The following MAN1B1 variants were observed in gnomAD, a reference collection of about 807,000 sequenced individuals.
MAN1B1 encodes endoplasmic reticulum mannosyl-oligosaccharide 1,2-alpha-mannosidase.
MAN1B1 carries 66 observed loss-of-function variants against 75.5 expected under a neutral mutation model. The observed-to-expected ratio is 0.87, with a 90% confidence interval of 0.72 to 1.07. MAN1B1 has a LOEUF of 1.07. Among genes scored for constraint, MAN1B1 ranks in the 50% least tolerant of loss-of-function variants. MAN1B1 has a pLI of 0.00. For synonymous variants in MAN1B1, 453 were observed against 382.8 expected, an observed-to-expected ratio of 1.18 and a Z score of -2.14; for missense variants, 973 against 912.5, an observed-to-expected ratio of 1.07 and a Z score of -0.85.
intron 3 of MAN1B1, among the ~76,000 whole-genome samples, chr9:137,095,724 G>C (rs1054627096): frequency 1.3e-5 from 2 of 152,184 alleles, no homozygotes; most frequent in African/African-American, 2.4e-5. Context: ...AGCAGAGGAC[G>C]GGGCTCTGTG....
chr9:137,093,581 A>G (rs969239268), intron 3 of MAN1B1, among the ~76,000 whole-genome samples: 1 of 152,206 alleles, frequency 6.6e-6, no homozygotes, highest in African/African-American at 2.4e-5. Flanking sequence ...CTGTAATCCC[A>G]ACACTTTGGG....
chr9:137,107,336 G>A lies in MAN1B1; in HGVS notation c.1653G>A (p.Glu551=). The A allele has an allele frequency of 6.2e-7, 1 of 1,613,324 alleles. No individual in the cohort carries two copies. The change falls in exon 11 of 13, where the codon GAG becomes GAA. Residue 551 remains glutamate, a synonymous_variant. Transcript: ENST00000371589. The part of the protein sequence containing the change: ...LPASHMELAQ[E]LMETCYQMNR... ...CCAGCCACATGGAGCTGGCCCAGGA[G>A]CTCATGGAGACTTGTTACCAGATGA...
intron 2 of MAN1B1, chr9:137,088,497 G>T: frequency 7.5e-7 from 1 of 1,329,886 alleles, no homozygotes; most frequent in Non-Finnish European, 1.0e-6. Context: ...GCACTCATTA[G>T]CGTGTGTTTG....
chr9:137,108,884 A>G lies in MAN1B1; in HGVS notation c.*293A>G, dbSNP rs1831217249. On this transcript the variant is annotated 3_prime_UTR_variant, in exon 13 of 13. Coordinates refer to ENST00000371589, the MANE Select transcript of MAN1B1 (RefSeq NM_016219.5). ...AGCCTGAGCAGGTCTCTGTGGGCCG[A>G]CCAGAGGGGGGCTTCGAGGTGGTCC... 3.5e-6 allele frequency: 2 copies of G among 573,680 alleles called. No individual in the cohort carries two copies. Among genetic ancestry groups the G allele is most frequent in the Non-Finnish European group, 6.6e-6 (2 of 303,584 alleles). The allele number at this position is 573,680 out of a possible 1,614,324, so 35.5% of individuals were successfully genotyped here. A position where few individuals can be genotyped will look rare whatever the true frequency, so the allele number is the denominator to read the frequency against.
At chr9:137,103,193 CTG>C (rs369265025) in intron 8 of MAN1B1, 8,233 of 408,304 alleles carry the variant, frequency 0.02, 622 homozygotes, top group African/African-American at 0.18. Context: ...CACATTCACA[CTG>C]TTGCAGGCGT....
chr9:137,098,026 C>T lies in MAN1B1; in HGVS notation c.730+89C>T, dbSNP rs572804215. ...GCTTCGTCTCAGCCATGGTGGGTGG[C>T]GCCCCCGCCCTGGTGTGCACCTTGC... On this transcript the variant is annotated intron_variant, in intron 5 of 12. Transcript: ENST00000371589. 638 of 1,004,190 alleles carry T rather than the reference C, an allele frequency of 6.4e-4. 2 individuals carry two copies. The African/African-American group carries it at 9.5e-3, about 15-fold the overall frequency. 62.2% of individuals were successfully genotyped at this position (1,004,190 alleles called of 1,614,324 possible).
chr9:137,107,832 T>G, intron 12 of MAN1B1, 170 bp downstream of exon 12: 1 of 828,300 alleles, frequency 1.2e-6, no homozygotes, highest in Non-Finnish European at 2.0e-6. Flanking sequence ...GGCCCTGGCA[T>G]CCCCATCCCC....
In MAN1B1 at chr9:137,101,782, TTACTGTGA is replaced by T. The variant is rs1830821036; in HGVS notation, c.1254+113_1254+120del. The T allele has an allele frequency of 8.4e-6, 11 of 1,315,498 alleles. No homozygotes were observed. In the African/African-American group the frequency reaches 1.2e-4, roughly 14 times the overall value. The allele number at this position is 1,315,498 out of a possible 1,614,324, so 81.5% of individuals were successfully genotyped here. Reference sequence around the variant, plus strand: ...ATGTGCATGTGTGTTTTCAGGTTTTTTACTGTGATAAAACACACAAAACGCACCACCTT... The same window carrying T: ...ATGTGCATGTGTGTTTTCAGGTTTTTTAAAACACACAAAACGCACCACCTT... On this transcript the variant is annotated intron_variant, in intron 8 of 12. Transcript: ENST00000371589.
intron 8 of MAN1B1, chr9:137,105,690 G>A (rs1381377893): frequency 2.0e-5 from 7 of 344,992 alleles, no homozygotes; most frequent in Non-Finnish European, 3.9e-5. Flanking sequence ...AGCTCACCAG[G>A]AGGGCGTGGA....
rs1396229946 is a variant in MAN1B1, at chr9:137,101,043, C to T, written c.955C>T (p.His319Tyr). 1.9e-6 allele frequency: 3 copies of T among 1,614,076 alleles called. No homozygotes were observed. The African/African-American group carries it at 4.0e-5, about 22-fold the overall frequency. ...CAGGAAGTGGGTGTCGAAGAAGTTA[C>T]ACTTTGAAAAGGACGTGGACGTCAA... Reference protein sequence around the residue: ...EARKWVSKKLHFEKDVDVNLF... With the variant: ...EARKWVSKKLYFEKDVDVNLF... The change falls in exon 7 of 13, where the codon CAC becomes TAC. Residue 319 changes from histidine (H) to tyrosine (Y), a missense_variant. Coordinates refer to ENST00000371589, the MANE Select transcript of MAN1B1 (RefSeq NM_016219.5).
chr9:137,109,099 GGGCTGGAC>G lies in MAN1B1; in HGVS notation c.*512_*519del. 2.2e-6 allele frequency: 1 copy of G among 455,466 alleles called. No individual in the cohort carries two copies. The highest frequency in any genetic ancestry group is 4.4e-6 in the Non-Finnish European group (1 of 227,256). 28.2% of individuals were successfully genotyped at this position (455,466 alleles called of 1,614,324 possible). A position where few individuals can be genotyped will look rare whatever the true frequency, so the allele number is the denominator to read the frequency against. On this transcript the variant is annotated 3_prime_UTR_variant, in exon 13 of 13. Coordinates refer to ENST00000371589, the MANE Select transcript of MAN1B1 (RefSeq NM_016219.5). ...CTGGCCGCCCCGCAGGGGGCTTGGA[GGGCTGGAC>G]GGCAAGTCCGTCTAGCTCACGGGCC...
intron 1 of MAN1B1, 107 bp from the exon 2 acceptor site, chr9:137,087,968 C>T: frequency 1.1e-6 from 1 of 922,112 alleles, no homozygotes; most frequent in Non-Finnish European, 1.8e-6. Context: ...TAGAGCTGAA[C>T]ACTGGATCTT....
chr9:137,098,507 C>G (rs910626695), intron 5 of MAN1B1, among the ~76,000 whole-genome samples: 2 of 152,184 alleles, frequency 1.3e-5, no homozygotes, highest in Admixed American at 1.3e-4. Flanking sequence ...CATCATGCCC[C>G]CCAGGTGTCT....
At chr9:137,103,118 G>C (rs1024572985) in intron 8 of MAN1B1, 6 of 337,062 alleles carry the variant, frequency 1.8e-5, no homozygotes, top group South Asian at 1.2e-4. Flanking sequence ...CACACATGCT[G>C]TTGCAGGCGT....
rs574100966 is a variant in MAN1B1 at position 137,103,666 on chromosome 9, G to A, written c.1254+1994G>A. 2.6e-3 allele frequency: 1,114 copies of A among 429,688 alleles called. 23 individuals carry two copies. The highest frequency in any genetic ancestry group is 0.022 in the Admixed American group (877 of 39,052). The allele number at this position is 429,688 out of a possible 1,614,324, so 26.6% of individuals were successfully genotyped here. On this transcript the variant is annotated intron_variant, in intron 8 of 12. Coordinates refer to ENST00000371589, the MANE Select transcript of MAN1B1 (RefSeq NM_016219.5). ...GTTACACACATTCACACTTGCAGGCGTGCAGGTCGGTGGTGTTACACACAT... is the reference window on the plus strand; with the variant it reads ...GTTACACACATTCACACTTGCAGGCATGCAGGTCGGTGGTGTTACACACAT...
intron 1 of MAN1B1, 94 bp downstream of exon 1, chr9:137,087,312 C>G (rs1830399160): frequency 1.4e-6 from 2 of 1,383,928 alleles, no homozygotes; most frequent in Non-Finnish European, 9.8e-7. Flanking sequence ...CGGGCGGACT[C>G]GACTCCCCAG....
intron 4 of MAN1B1, among the ~76,000 whole-genome samples, chr9:137,096,724 T>A (rs1365978377): frequency 6.6e-6 from 1 of 152,168 alleles, no homozygotes; most frequent in African/African-American, 2.4e-5. Flanking sequence ...CCGAGCCCCA[T>A]CTGGTCGAGC....
At chr9:137,088,669 T>C (rs760741637) in intron 2 of MAN1B1, 200 bp from the exon 3 acceptor site, 33 of 733,212 alleles carry the variant, frequency 4.5e-5, no homozygotes, top group Non-Finnish European at 7.0e-5. Flanking sequence ...GGTTCTGTGT[T>C]ATGGACAAGG....
At position 137,094,529 on chromosome 9, in the gene MAN1B1, C is replaced by G. The variant is rs961707410; in HGVS notation, c.466-1708C>G. The G allele has an allele frequency of 1.7e-5, 4 of 231,452 alleles. No individual in the cohort carries two copies. In the Admixed American group the frequency reaches 1.8e-4, roughly 11 times the overall value. The allele number at this position is 231,452 out of a possible 1,614,324, so 14.3% of individuals were successfully genotyped here. On this transcript the variant is annotated intron_variant, in intron 3 of 12. Transcript: ENST00000371589. ...CCGAGGCAGGCAGATTGCTTGAATGCAGGAGTTCGAGACCAGCCTGAGCAA... is the reference window on the plus strand; with the variant it reads ...CCGAGGCAGGCAGATTGCTTGAATGGAGGAGTTCGAGACCAGCCTGAGCAA...
Sources: allele counts gnomAD v4.1 joint callset (sites outside exome capture counted in the v4.1 genomes callset), GRCh38; gene constraint gnomAD v4.1.1; transcripts MANE v1.5; gene names NCBI Gene and HGNC (gene_info 2026-07-23, HGNC 2026-07-21).